Variants in ZNF254 observed in about 807,000 individuals in gnomAD.
The protein encoded by ZNF254 is zinc finger protein 254.
ZNF254 carries 10 observed loss-of-function variants against 12.4 expected under a neutral mutation model. The observed-to-expected ratio is 0.80, with a 90% CI of 0.50 to 1.36. The LOEUF (loss-of-function observed/expected upper bound fraction) is 1.36. Among genes scored for constraint, ZNF254 ranks in the 40% most tolerant of loss-of-function variants. The pLI is 0.00. For missense variants in ZNF254, 996 were observed against 763.9 expected, an observed-to-expected ratio of 1.30 and a Z score of -3.58; for synonymous variants, 305 against 253.4, an observed-to-expected ratio of 1.20 and a Z score of -1.93.
intron 3 of ZNF254, among the ~76,000 whole-genome samples, chr19:24,121,854 T>C (rs1974505329): frequency 6.6e-6 from 1 of 152,050 alleles, no homozygotes; most frequent in Admixed American, 6.6e-5. Flanking sequence ...CACACCAGGC[T>C]ACCCTTGGTT....
At chr19:24,110,630 T>C (rs908376750) in intron 3 of ZNF254, among the ~76,000 whole-genome samples, 2 of 152,184 alleles carry the variant, frequency 1.3e-5, no homozygotes, top group African/African-American at 4.8e-5. Flanking sequence ...AAAAGACTTC[T>C]AGAAATTTTA....
chr19:24,099,600 C>A (rs573808142), intron 1 of ZNF254, among the ~76,000 whole-genome samples: 3 of 152,296 alleles, frequency 2.0e-5, no homozygotes, highest in Admixed American at 2.0e-4. Context: ...CTTCAAGTTG[C>A]AAACTACCTT....
At chr19:24,059,592 G>A (rs1477636881) in intron 2 of ZNF254, among the ~76,000 whole-genome samples, 1 of 151,226 alleles carries the variant, frequency 6.6e-6, no homozygotes, top group Non-Finnish European at 1.5e-5. Flanking sequence ...CCTAGGTGAT[G>A]TTACTCTTTT....
chr19:24,107,018 A>G, intron 3 of ZNF254: 1 of 460,698 alleles, frequency 2.2e-6, no homozygotes, highest in Non-Finnish European at 3.8e-6. Flanking sequence ...CATGTCTGAA[A>G]TGTGTGAGAG....
At chr19:24,045,049 G>C (rs768421708) in intron 1 of ZNF254, among the ~76,000 whole-genome samples, 4 of 152,152 alleles carry the variant, frequency 2.6e-5, no homozygotes, top group Admixed American at 6.5e-5. Flanking sequence ...TTAGCTGAGA[G>C]AGCCGGACAG....
chr19:24,085,180 C>A (rs893712682), upstream of ZNF254, among the ~76,000 whole-genome samples: 23 of 146,810 alleles, frequency 1.6e-4, no homozygotes, highest in African/African-American at 5.5e-4. Context: ...GATCCACCCA[C>A]CTCGGCCTCC....
intron 2 of ZNF254, among the ~76,000 whole-genome samples, chr19:24,058,810 CCACGTGGTT>C (rs1970961924): frequency 6.6e-6 from 1 of 152,158 alleles, no homozygotes; most frequent in African/African-American, 2.4e-5. Flanking sequence ...TCTGCTTTGC[CCACGTGGTT>C]CACTGTGACA....
intron 2 of ZNF254, among the ~76,000 whole-genome samples, chr19:24,067,190 C>T (rs1424288933): frequency 1.3e-5 from 2 of 151,838 alleles, no homozygotes; most frequent in African/African-American, 2.4e-5. Context: ...GTTTTCTGCC[C>T]GTCAACTATT....
At chr19:24,091,730 TG>T (rs1486495914) in intron 1 of ZNF254, among the ~76,000 whole-genome samples, 6 of 152,066 alleles carry the variant, frequency 3.9e-5, no homozygotes, top group Admixed American at 2.6e-4. Context: ...TGACCTCAAG[TG>T]ATCTGCCCAC....
intron 3 of ZNF254, among the ~76,000 whole-genome samples, chr19:24,113,050 A>T (rs1440395769): frequency 6.6e-6 from 1 of 152,220 alleles, no homozygotes; most frequent in Non-Finnish European, 1.5e-5. Flanking sequence ...GAGCTTACCA[A>T]TGAAAAAGAG....
At position 24,119,994 on chromosome 19, in the gene ZNF254, C is replaced by T. The variant is rs190339343; in HGVS notation, c.254-6260C>T. Among the ~76,000 whole-genome samples the T allele has an allele frequency of 1.6e-4, 24 of 152,014 alleles. No homozygotes were observed. In the East Asian group the frequency reaches 3.9e-3, roughly 24 times the overall value. ...CTTCATAATCCTCTTGTATATTAGT[C>T]TGTTTTCATGCTGCTGATAAAGACA... On this transcript the variant is annotated intron_variant, in intron 3 of 3. Transcript: ENST00000357002.
At chr19:24,083,919 C>G (rs976100327), upstream of ZNF254, among the ~76,000 whole-genome samples, 1 of 151,988 alleles carries the variant, frequency 6.6e-6, no homozygotes, top group African/African-American at 2.4e-5. Flanking sequence ...CTATGGAAAA[C>G]AGTATGGAGA....
chr19:24,035,285 T>A (rs890105996), intron 1 of ZNF254, among the ~76,000 whole-genome samples: 1 of 152,142 alleles, frequency 6.6e-6, no homozygotes, highest in Non-Finnish European at 1.5e-5. Flanking sequence ...CACCTCAGCC[T>A]CTCAGGTAGC....
chr19:24,123,104 T>A (rs1043471614), intron 3 of ZNF254, among the ~76,000 whole-genome samples: 2 of 150,800 alleles, frequency 1.3e-5, no homozygotes, highest in African/African-American at 4.9e-5. Context: ...ATTCATTAAG[T>A]CTGTCTGTTG....
At chr19:24,066,363 C>T (rs550782547) in intron 2 of ZNF254, 2 of 152,302 alleles carry the variant, frequency 1.3e-5, no homozygotes, top group South Asian at 2.1e-4. Context: ...ACACCCAACA[C>T]CTAGCTTATG....
intron 1 of ZNF254, among the ~76,000 whole-genome samples, chr19:24,087,911 T>G (rs1043014976): frequency 2.0e-5 from 3 of 150,954 alleles, no homozygotes; most frequent in Non-Finnish European, 3.0e-5. Context: ...TTGTCGTTTT[T>G]TTTTTTTTTT....
chr19:24,121,411 A>G (rs1974473776), intron 3 of ZNF254, among the ~76,000 whole-genome samples: 1 of 151,858 alleles, frequency 6.6e-6, no homozygotes, highest in Non-Finnish European at 1.5e-5. Flanking sequence ...TTGTGTTTTG[A>G]TTTTTTAGTA....
At chr19:24,073,303 A>T (rs1195363740) in intron 2 of ZNF254, among the ~76,000 whole-genome samples, 1 of 152,206 alleles carries the variant, frequency 6.6e-6, no homozygotes, top group Non-Finnish European at 1.5e-5. Context: ...TAACATGGTG[A>T]CTAATTTCAA....
At chr19:24,115,740 G>T (rs1974016047) in intron 3 of ZNF254, among the ~76,000 whole-genome samples, 2 of 152,044 alleles carry the variant, frequency 1.3e-5, no homozygotes, top group Admixed American at 1.3e-4. Context: ...CTGTCGTTAG[G>T]ATGCTGGCTG....
Sources: gnomAD v4.1 joint callset for allele counts (sites outside exome capture counted in the v4.1 genomes callset) on GRCh38, gnomAD v4.1.1 for gene constraint, MANE v1.5 for transcripts, NCBI Gene and HGNC (gene_info 2026-07-23, HGNC 2026-07-21) for gene names.